FAM184B: variants seen among roughly 807,000 people sequenced by gnomAD.
FAM184B encodes family with sequence similarity 184 member B, also known as protein FAM184B.
FAM184B carries 111 observed loss-of-function variants against 135.9 expected under a neutral mutation model. The ratio of observed to expected loss-of-function variants is 0.82; its 90% CI spans 0.70 to 0.96. The LOEUF is 0.96. FAM184B is among the 40% of genes least tolerant of loss of function. FAM184B has a pLI of 0.00. For synonymous variants in FAM184B, 552 were observed against 524.8 expected, an observed-to-expected ratio of 1.05 and a Z score of -0.71; for missense variants, 1,375 against 1,323.9, an observed-to-expected ratio of 1.04 and a Z score of -0.60.
chr4:17,729,010 G>T (rs1012965931), intron 1 of FAM184B, among the ~76,000 whole-genome samples: 4 of 152,322 alleles, frequency 2.6e-5, no homozygotes, highest in East Asian at 3.9e-4. Context: ...AAAGAAAGGG[G>T]TGACAGACGG....
At chr4:17,677,401 C>T (rs776952419) in intron 7 of FAM184B, among the ~76,000 whole-genome samples, 3 of 152,136 alleles carry the variant, frequency 2.0e-5, no homozygotes, top group Non-Finnish European at 1.5e-5. Flanking sequence ...ATTATGAACA[C>T]CTTTACATGC....
rs1489229929 is a variant in FAM184B at position 17,639,311 on chromosome 4, C to T, written c.2605G>A (p.Val869Met). ...QEHRKEMQAM[V>M]ADFSSAQAQL... Reference sequence around the variant, plus strand: ...GCCTGGGCACTACTGAAATCTGCCACCATGGCCTGCATCTCCTTCCGGTGT... The same window carrying T: ...GCCTGGGCACTACTGAAATCTGCCATCATGGCCTGCATCTCCTTCCGGTGT... Residue 869 changes from valine to methionine, a missense_variant, in exon 14 of 18, where the codon GTG becomes ATG. Coordinates refer to ENST00000265018, the MANE Select transcript of FAM184B (RefSeq NM_015688.2). The T allele has an allele frequency of 3.9e-6, 6 of 1,551,644 alleles. No individual in the cohort carries two copies. Among genetic ancestry groups the T allele is most frequent in the Non-Finnish European group, 5.2e-6 (6 of 1,147,028 alleles).
chr4:17,747,887 C>G (rs1166375766), intron 1 of FAM184B, among the ~76,000 whole-genome samples: 1 of 138,934 alleles, frequency 7.2e-6, no homozygotes, highest in Non-Finnish European at 1.5e-5. Flanking sequence ...CGCCACTGCA[C>G]TCCAGCCTGG....
chr4:17,742,168 A>ATATT (rs1459958150), intron 1 of FAM184B, among the ~76,000 whole-genome samples: 2 of 109,308 alleles, frequency 1.8e-5, no homozygotes, highest in African/African-American at 9.6e-5. Context: ...ATATATATAT[A>ATATT]TTTTTTTTTT....
chr4:17,662,762 T>A (rs1361776122), intron 8 of FAM184B, among the ~76,000 whole-genome samples: 1 of 152,230 alleles, frequency 6.6e-6, no homozygotes, highest in Non-Finnish European at 1.5e-5. Flanking sequence ...CTACCAGCAA[T>A]GTATGAGAGT....
chr4:17,734,410 G>A (rs1356288311), intron 1 of FAM184B, among the ~76,000 whole-genome samples: 2 of 151,892 alleles, frequency 1.3e-5, no homozygotes, highest in African/African-American at 2.4e-5. Context: ...CAAAATGGGA[G>A]AAAATTTTTG....
chr4:17,728,944 C>A (rs113426538), intron 1 of FAM184B, among the ~76,000 whole-genome samples: 15 of 152,056 alleles, frequency 9.9e-5, no homozygotes, highest in Non-Finnish European at 1.8e-4. Context: ...TGAAGCAGGG[C>A]GAGGCATTGC....
chr4:17,758,533 G>A (rs1448662884), intron 1 of FAM184B, among the ~76,000 whole-genome samples: 4 of 152,228 alleles, frequency 2.6e-5, no homozygotes, highest in Non-Finnish European at 5.9e-5. Flanking sequence ...TTTTAGAAAT[G>A]TGACAGGTGT....
At chr4:17,685,558 C>CAAAAA (rs11350244) in intron 7 of FAM184B, among the ~76,000 whole-genome samples, 4 of 86,756 alleles carry the variant, frequency 4.6e-5, no homozygotes, top group Admixed American at 1.3e-4. Context: ...GACTCTGTCT[C>CAAAAA]AAAAAAAAAA....
At chr4:17,643,645 G>A (rs1194680075) in intron 12 of FAM184B, among the ~76,000 whole-genome samples, 1 of 152,172 alleles carries the variant, frequency 6.6e-6, no homozygotes, top group Non-Finnish European at 1.5e-5. Context: ...CCTAACCACT[G>A]GGCTAACCTG....
intron 7 of FAM184B, among the ~76,000 whole-genome samples, chr4:17,677,806 C>CA (rs936510281): frequency 2.6e-5 from 4 of 152,014 alleles, no homozygotes; most frequent in Non-Finnish European, 5.9e-5. Flanking sequence ...AACAGCATAT[C>CA]AAAAAAATAA....
At chr4:17,713,751 C>T (rs1287841173) in intron 1 of FAM184B, among the ~76,000 whole-genome samples, 1 of 152,194 alleles carries the variant, frequency 6.6e-6, no homozygotes, top group Non-Finnish European at 1.5e-5. Flanking sequence ...CCGTCTCACT[C>T]AGTCATTTAT....
chr4:17,656,367 C>T (rs931519961), intron 10 of FAM184B, among the ~76,000 whole-genome samples: 2 of 152,082 alleles, frequency 1.3e-5, no homozygotes, highest in African/African-American at 4.8e-5. Context: ...TAGTAAGTGC[C>T]CGGCAGTCCA....
intron 1 of FAM184B, among the ~76,000 whole-genome samples, chr4:17,730,984 T>C (rs914732122): frequency 2.0e-5 from 3 of 152,006 alleles, no homozygotes; most frequent in Non-Finnish European, 4.4e-5. Flanking sequence ...AGAAAGGGTA[T>C]CAGTAATGGA....
intron 12 of FAM184B, among the ~76,000 whole-genome samples, chr4:17,644,757 G>T (rs746390449): frequency 1.2e-4 from 18 of 152,010 alleles, no homozygotes; most frequent in Non-Finnish European, 1.9e-4. Context: ...GCAGGAGAAA[G>T]AAGGGGTATT....
intron 1 of FAM184B, among the ~76,000 whole-genome samples, chr4:17,730,659 A>G (rs954705226): frequency 8.5e-5 from 13 of 152,180 alleles, no homozygotes; most frequent in Non-Finnish European, 1.6e-4. Flanking sequence ...GAAAAACTGG[A>G]AACTGTAAAA....
intron 1 of FAM184B, among the ~76,000 whole-genome samples, chr4:17,768,427 G>A (rs543391552): frequency 4.1e-4 from 62 of 151,996 alleles, no homozygotes; most frequent in Non-Finnish European, 6.3e-4. Context: ...GGCACACCCC[G>A]CCACGCCCAG....
chr4:17,766,025 A>T (rs565976549), intron 1 of FAM184B, among the ~76,000 whole-genome samples: 4 of 152,304 alleles, frequency 2.6e-5, no homozygotes, highest in African/African-American at 9.6e-5. Context: ...GAAGCTGCAG[A>T]CCTTCCCCGT....
At chr4:17,758,593 T>C (rs868587475) in intron 1 of FAM184B, among the ~76,000 whole-genome samples, 1 of 152,238 alleles carries the variant, frequency 6.6e-6, no homozygotes, top group Non-Finnish European at 1.5e-5. Context: ...CTAGTGCCCA[T>C]TGAAACATCT....
Sources: allele counts gnomAD v4.1 joint callset (sites outside exome capture counted in the v4.1 genomes callset), GRCh38; gene constraint gnomAD v4.1.1; transcripts MANE v1.5; gene names NCBI Gene and HGNC (gene_info 2026-07-23, HGNC 2026-07-21).